The following STAP1 variants were observed in gnomAD, a reference collection of about 807,000 sequenced individuals.
STAP1 encodes signal transducing adaptor family member 1.
A neutral mutation model predicts 37.8 loss-of-function variants in STAP1; 30 were observed. The ratio of observed to expected loss-of-function variants is 0.79; its 90% confidence interval spans 0.59 to 1.08. STAP1 has a LOEUF of 1.08. Ranked by LOEUF, STAP1 falls within the 50% of genes least tolerant of loss-of-function variation. The pLI is 0.00. For missense variants in STAP1, 357 were observed against 349.4 expected (o/e 1.02, Z -0.17); for synonymous variants, 130 against 116.0 (o/e 1.12, Z -0.78).
chr4:67,591,718 G>A (rs1728122680), intron 7 of STAP1, among the ~76,000 whole-genome samples: 1 of 152,120 alleles, frequency 6.6e-6, no homozygotes, highest in Admixed American at 6.5e-5. Context: ...CCATTGTGTT[G>A]ATCAAGTAGA....
intron 5 of STAP1, among the ~76,000 whole-genome samples, chr4:67,582,856 C>T (rs1247276140): frequency 6.6e-6 from 1 of 152,086 alleles, no homozygotes; most frequent in Non-Finnish European, 1.5e-5. Context: ...TATAAATAAA[C>T]TTTGTGTTAG....
chr4:67,602,230 G>A (rs574468930), intron 8 of STAP1, among the ~76,000 whole-genome samples: 1 of 151,752 alleles, frequency 6.6e-6, no homozygotes, highest in South Asian at 2.1e-4. Context: ...TTATGTGATG[G>A]GATTCTGAAT....
At chr4:67,564,805 T>A (rs1407410806) in intron 1 of STAP1, among the ~76,000 whole-genome samples, 2 of 152,172 alleles carry the variant, frequency 1.3e-5, no homozygotes, top group East Asian at 3.9e-4. Context: ...CCCAGCTACT[T>A]GGGAGGCTGA....
intron 1 of STAP1, among the ~76,000 whole-genome samples, chr4:67,569,284 T>C (rs528694415): frequency 1.8e-4 from 28 of 152,248 alleles, no homozygotes; most frequent in African/African-American, 5.1e-4. Flanking sequence ...TTACCACAAA[T>C]GGAGCTTGCA....
Position 67,591,035 on chromosome 4 carries a change from T to G in STAP1, c.729+82T>G, listed in dbSNP as rs944463732. 4.0e-6 allele frequency: 4 copies of G among 999,762 alleles called. No individual in the cohort carries two copies. In the African/African-American group the frequency reaches 6.5e-5, roughly 16 times the overall value. 61.9% of individuals were successfully genotyped at this position (999,762 alleles called of 1,614,324 possible). On this transcript the variant is annotated intron_variant, in intron 7 of 8. Coordinates refer to ENST00000265404, the MANE Select transcript of STAP1 (RefSeq NM_012108.4). ...CTAGTGCTGGCAAAAAGCAGCCAAG[T>G]TAAGGAGCCCTGAATGTGGCAGATA...
chr4:67,573,763 A>T (rs1437547168), intron 2 of STAP1, among the ~76,000 whole-genome samples: 1 of 152,184 alleles, frequency 6.6e-6, no homozygotes, highest in African/African-American at 2.4e-5. Context: ...AAAAAATTAT[A>T]TACCTATTTT....
At chr4:67,567,131 ATG>A (rs1727488729) in intron 1 of STAP1, among the ~76,000 whole-genome samples, 1 of 152,174 alleles carries the variant, frequency 6.6e-6, no homozygotes, top group African/African-American at 2.4e-5. Flanking sequence ...TGAAATTAAG[ATG>A]TGTTTTCTTG....
At chr4:67,565,025 A>G (rs925010109) in intron 1 of STAP1, among the ~76,000 whole-genome samples, 1 of 152,208 alleles carries the variant, frequency 6.6e-6, no homozygotes, top group African/African-American at 2.4e-5. Context: ...TCCCAGCTCC[A>G]AAAAACAGGA....
intron 2 of STAP1, among the ~76,000 whole-genome samples, chr4:67,573,531 T>C (rs1033708097): frequency 6.6e-6 from 1 of 152,220 alleles, no homozygotes; most frequent in African/African-American, 2.4e-5. Flanking sequence ...GAGCTTGATC[T>C]AGACAATCCC....
intron 8 of STAP1, 85 bp from the exon 9 acceptor site, chr4:67,606,211 G>C: frequency 8.9e-7 from 1 of 1,121,616 alleles, no homozygotes; most frequent in Non-Finnish European, 1.3e-6. Context: ...CACACGAGCA[G>C]GAAAATCAAC....
chr4:67,560,643 G>GGGGTGTGT (rs370510074), intron 1 of STAP1, among the ~76,000 whole-genome samples: 53,260 of 149,332 alleles, frequency 0.36, 11,124 homozygotes, highest in Non-Finnish European at 0.47. Context: ...TGTGTGTGTG[G>GGGGTGTGT]GTGTGTGTCT....
rs1242848150 is a variant in STAP1, at chr4:67,575,393, C to G, written c.201C>G (p.Asp67Glu). 1 of 1,583,938 alleles carries G rather than the reference C, an allele frequency of 6.3e-7. No homozygotes were observed. The highest frequency in any genetic ancestry group is 2.0e-5 in the Admixed American group (1 of 50,890). Residue 67 changes from aspartate to glutamate, a missense_variant, in exon 3 of 9, where the codon GAC (aspartate) becomes GAG (glutamate). Asp to Glu is a conservative substitution (Grantham distance 45, BLOSUM62 2). Coordinates refer to ENST00000265404, the MANE Select transcript of STAP1 (RefSeq NM_012108.4). Reference protein sequence around the residue: ...YTDKKSIIYVDKLDIVDLTCL... With the variant: ...YTDKKSIIYVEKLDIVDLTCL... Reference sequence around the variant, plus strand: ...TTCCTTTATCTTTGCAGTATGTTGACAAATTAGACATAGTAGACCTCACAT... The same window carrying G: ...TTCCTTTATCTTTGCAGTATGTTGAGAAATTAGACATAGTAGACCTCACAT...
intron 4 of STAP1, 44 bp downstream of exon 4, chr4:67,577,303 CAA>C: frequency 6.5e-7 from 1 of 1,534,334 alleles, no homozygotes; most frequent in South Asian, 1.2e-5. Flanking sequence ...TTTTTTTCAA[CAA>C]ATATCTGCTG....
At chr4:67,562,860 A>T (rs1393904848) in intron 1 of STAP1, among the ~76,000 whole-genome samples, 1 of 152,018 alleles carries the variant, frequency 6.6e-6, no homozygotes, top group East Asian at 1.9e-4. Context: ...TATTTGATAT[A>T]TAAAAAATGA....
At chr4:67,563,935 T>C (rs1323446691) in intron 1 of STAP1, among the ~76,000 whole-genome samples, 1 of 77,246 alleles carries the variant, frequency 1.3e-5, no homozygotes, top group African/African-American at 3.4e-5. Flanking sequence ...ACACAAACGA[T>C]TGTTAAAAAA....
At chr4:67,601,162 A>C (rs1728334217) in intron 8 of STAP1, among the ~76,000 whole-genome samples, 1 of 152,072 alleles carries the variant, frequency 6.6e-6, no homozygotes, top group Non-Finnish European at 1.5e-5. Context: ...AATACCATTA[A>C]GTTTTCAAAT....
intron 8 of STAP1, among the ~76,000 whole-genome samples, chr4:67,599,309 T>C (rs1472362094): frequency 1.3e-5 from 2 of 152,222 alleles, no homozygotes; most frequent in African/African-American, 4.8e-5. Flanking sequence ...AAACATTTGA[T>C]AGAATTCAGC....
chr4:67,576,692 A>C (rs1394351410), intron 3 of STAP1, among the ~76,000 whole-genome samples: 1 of 152,180 alleles, frequency 6.6e-6, no homozygotes. Context: ...ACATGGTTTC[A>C]CCATGTTGCC....
intron 6 of STAP1, among the ~76,000 whole-genome samples, chr4:67,590,492 C>G (rs1728095581): frequency 6.6e-6 from 1 of 152,070 alleles, no homozygotes; most frequent in African/African-American, 2.4e-5. Context: ...CTTTCTACTT[C>G]TCTCAATATG....
Sources: gnomAD v4.1 joint callset for allele counts (sites outside exome capture counted in the v4.1 genomes callset) on GRCh38, gnomAD v4.1.1 for gene constraint, MANE v1.5 for transcripts, NCBI Gene and HGNC (gene_info 2026-07-23, HGNC 2026-07-21) for gene names.